The following LOC400499 variants were observed in gnomAD, a reference collection of about 807,000 sequenced individuals.
chr16:11,460,166 G>A, the LOC400499 span: 1 of 958,922 alleles, frequency 1.0e-6, no homozygotes, highest in Non-Finnish European at 1.4e-6. Context: ...AGAAGAGACG[G>A]TTCTGTAGAA....
chr16:11,413,910 G>A, the LOC400499 span, among the ~76,000 whole-genome samples: 1 of 152,216 alleles, frequency 6.6e-6, no homozygotes, highest in African/African-American at 2.4e-5. Flanking sequence ...CTGGCAAGCA[G>A]CAGAGCTGGG....
chr16:11,471,299 A>C, the LOC400499 span: 1 of 165,876 alleles, frequency 6.0e-6, no homozygotes, highest in Non-Finnish European at 1.3e-5. Context: ...CCAGCGGGGA[A>C]GACAGACCTT....
chr16:11,514,325 C>G, the LOC400499 span: 1 of 399,160 alleles, frequency 2.5e-6, no homozygotes, highest in Non-Finnish European at 4.4e-6. Flanking sequence ...CATGCCACGG[C>G]CAGGGGGTGG....
the LOC400499 span, chr16:11,469,316 C>A: frequency 5.0e-6 from 2 of 399,262 alleles, no homozygotes; most frequent in Non-Finnish European, 8.8e-6. Flanking sequence ...GCCCCTCCGT[C>A]CCCCTGGGAG....
chr16:11,424,579 A>G, the LOC400499 span, among the ~76,000 whole-genome samples: 2 of 152,224 alleles, frequency 1.3e-5, no homozygotes, highest in African/African-American at 4.8e-5. Context: ...CCAACCTCAC[A>G]GCACAATTGC....
the LOC400499 span, chr16:11,392,771 C>T: frequency 2.0e-6 from 2 of 984,012 alleles, 1 homozygote; most frequent in African/African-American, 3.5e-5. Flanking sequence ...GGCAGGAGTA[C>T]AGTGGCTGGA....
the LOC400499 span, among the ~76,000 whole-genome samples, chr16:11,386,196 G>A: frequency 6.6e-6 from 1 of 152,218 alleles, no homozygotes; most frequent in African/African-American, 2.4e-5. Context: ...GGAACAGATG[G>A]CCTGAGAAGG....
the LOC400499 span, chr16:11,387,270 G>A: frequency 3.2e-6 from 4 of 1,232,170 alleles, no homozygotes; most frequent in Non-Finnish European, 3.0e-6. Flanking sequence ...GGCAACAGTG[G>A]CAGCATCACC....
At chr16:11,450,131 A>G in the LOC400499 span, among the ~76,000 whole-genome samples, 2 of 152,296 alleles carry the variant, frequency 1.3e-5, no homozygotes, top group East Asian at 3.9e-4. Context: ...ACATCCACGC[A>G]TCACCCAGAC....
the LOC400499 span, among the ~76,000 whole-genome samples, chr16:11,523,986 C>A: frequency 8.6e-6 from 1 of 116,880 alleles, no homozygotes; most frequent in Non-Finnish European, 1.8e-5. Context: ...ATCCATCTAT[C>A]TGCCCACTCC....
the LOC400499 span, among the ~76,000 whole-genome samples, chr16:11,383,232 A>T: frequency 2.0e-5 from 3 of 151,734 alleles, no homozygotes; most frequent in African/African-American, 7.3e-5. Context: ...TGCCCGGCTA[A>T]TTTTTTTTGT....
chr16:11,457,696 G>C, the LOC400499 span, among the ~76,000 whole-genome samples: 1 of 151,780 alleles, frequency 6.6e-6, no homozygotes, highest in Admixed American at 6.6e-5. Context: ...AGAATCGAAA[G>C]CATCAGATAT....
At chr16:11,436,890 G>A in the LOC400499 span, among the ~76,000 whole-genome samples, 2 of 151,974 alleles carry the variant, frequency 1.3e-5, no homozygotes, top group African/African-American at 2.4e-5. Flanking sequence ...TACCATGCCT[G>A]GCCTGGAAAG....
the LOC400499 span, among the ~76,000 whole-genome samples, chr16:11,416,270 G>T: frequency 1.4e-3 from 217 of 152,222 alleles, 2 homozygotes; most frequent in African/African-American, 4.9e-3. Context: ...AAAAATTTGA[G>T]GCCAACAGAA....
At chr16:11,469,454 C>T in the LOC400499 span, 16 of 399,008 alleles carry the variant, frequency 4.0e-5, no homozygotes, top group South Asian at 2.6e-4. Context: ...GGCCCTGCCC[C>T]GGGTGTGGCA....
chr16:11,451,323 T>C, the LOC400499 span, among the ~76,000 whole-genome samples: 15 of 152,340 alleles, frequency 9.8e-5, 1 homozygote, highest in African/African-American at 3.6e-4. Context: ...CTCATGCCTG[T>C]AATCCCAGCA....
chr16:11,496,124 T>A, the LOC400499 span, among the ~76,000 whole-genome samples: 50 of 151,576 alleles, frequency 3.3e-4, 1 homozygote, highest in East Asian at 5.6e-3. Context: ...TGGAGTCCAG[T>A]GGCACAATCT....
the LOC400499 span, among the ~76,000 whole-genome samples, chr16:11,386,343 A>G: frequency 1.3e-5 from 2 of 152,282 alleles, no homozygotes; most frequent in African/African-American, 4.8e-5. Flanking sequence ...TGAGGGAGGC[A>G]GTACCAGCCC....
At chr16:11,491,783 G>C in the LOC400499 span, 1 of 398,960 alleles carries the variant, frequency 2.5e-6, no homozygotes, top group Non-Finnish European at 4.4e-6. Context: ...GGGCCAGGTA[G>C]GCATTGATAC....
Sources: allele counts gnomAD v4.1 joint callset (sites outside exome capture counted in the v4.1 genomes callset), GRCh38; gene constraint gnomAD v4.1.1; transcripts MANE v1.5.